ARRDC1: variants seen among roughly 807,000 people sequenced by gnomAD.
ARRDC1 encodes arrestin domain containing 1, also known as arrestin domain-containing protein 1.
Under a neutral mutation model 40.1 loss-of-function variants are expected in ARRDC1, and 37 were observed. The observed-to-expected ratio is 0.92, with a 90% CI of 0.71 to 1.21. The LOEUF (loss-of-function observed/expected upper bound fraction) is 1.21, where lower values mean the gene tolerates loss of function less well. Among genes scored for constraint, ARRDC1 ranks in the 50% most tolerant of loss-of-function variants. The probability of loss-of-function intolerance (pLI) is 0.00; values close to 1 mark genes in which losing one functional copy is unlikely to be tolerated. For missense variants in ARRDC1, 641 were observed against 581.9 expected (o/e 1.10, Z -1.04); for synonymous variants, 310 against 262.5 (o/e 1.18, Z -1.75).
intron 1 of ARRDC1, chr9:137,611,412 A>AAACAAAC: frequency 6.6e-6 from 1 of 152,054 alleles, no homozygotes; most frequent in East Asian, 1.9e-4. Context: ...AAAAAACAAA[A>AAACAAAC]CCCAGGTGTG....
intron 4 of ARRDC1, 120 bp from the exon 5 acceptor site, chr9:137,613,912 C>T: frequency 6.5e-7 from 1 of 1,535,604 alleles, no homozygotes. Context: ...GGCCTCTTTG[C>T]CCTGAGCTGA....
Position 137,614,608 on chromosome 9 carries a change from G to A in ARRDC1, c.845G>A (p.Gly282Asp). Residue 282 changes from glycine (G) to aspartate (D), a missense_variant, in exon 7 of 8, where the codon GGC becomes GAC. Gly to Asp is a moderately conservative substitution (Grantham distance 94). Coordinates refer to ENST00000371421, the MANE Select transcript of ARRDC1 (RefSeq NM_152285.4). ...ACTGTGACCCTCCCGGTCTTCATTG[G>A]CAATATTGCTGTGAACCATGCCCCA... ...EATVTLPVFI[G>D]NIAVNHAPVS... The A allele has an allele frequency of 1.9e-6, 3 of 1,612,936 alleles. No individual in the cohort carries two copies. The highest frequency in any genetic ancestry group is 2.5e-6 in the Non-Finnish European group (3 of 1,179,858).
intron 1 of ARRDC1, among the ~76,000 whole-genome samples, chr9:137,610,337 C>T (rs1042660366): frequency 4.6e-5 from 7 of 152,070 alleles, no homozygotes; most frequent in Admixed American, 2.6e-4. Flanking sequence ...GGCTGGCATA[C>T]GGGTTAGTCT....
At chr9:137,611,717 G>GA (rs1842525596) in intron 1 of ARRDC1, 1 of 152,370 alleles carries the variant, frequency 6.6e-6, no homozygotes, top group Non-Finnish European at 1.5e-5. Flanking sequence ...AGGGATGGGG[G>GA]ACTGGGCCTG....
At position 137,614,078 on chromosome 9, in the gene ARRDC1, T is replaced by C; in HGVS notation, c.482T>C (p.Val161Ala). 6.2e-7 allele frequency: 1 copy of C among 1,613,564 alleles called. No individual in the cohort carries two copies. Among genetic ancestry groups the C allele is most frequent in the Non-Finnish European group, 8.5e-7 (1 of 1,179,938 alleles). ...SATKKFSYKL[V>A]KTGSVVLTAS... Reference sequence around the variant, plus strand: ...ACCAAGAAGTTCTCCTACAAGCTGGTGAAGACGGGCAGCGTGGTCCTCACA... The same window carrying C: ...ACCAAGAAGTTCTCCTACAAGCTGGCGAAGACGGGCAGCGTGGTCCTCACA... The change falls in exon 5 of 8, where the codon GTG (valine) becomes GCG (alanine). Residue 161 changes from valine (V) to alanine (A), a missense_variant. Coordinates refer to ENST00000371421, the MANE Select transcript of ARRDC1 (RefSeq NM_152285.4).
rs747517683 is a variant in ARRDC1 at position 137,614,615 on chromosome 9, T to C, written c.852T>C (p.Ile284=). Residue 284 remains isoleucine, a synonymous_variant, in exon 7 of 8, where the codon ATT becomes ATC. Transcript: ENST00000371421. ...CCCTCCCGGTCTTCATTGGCAATAT[T>C]GCTGTGAACCATGCCCCAGTGAGCC... ...TVTLPVFIGN[I]AVNHAPVSPR... is the part of the protein sequence containing the mutation. The C allele has an allele frequency of 2.5e-6, 4 of 1,612,714 alleles. No individual in the cohort carries two copies. In the Admixed American group the frequency reaches 5.0e-5, roughly 20 times the overall value.
intron 1 of ARRDC1, among the ~76,000 whole-genome samples, chr9:137,608,390 AG>A (rs1262667183): frequency 6.6e-6 from 1 of 152,212 alleles, no homozygotes; most frequent in African/African-American, 2.4e-5. Context: ...CACTCTGACT[AG>A]GGGACTGCCA....
chr9:137,614,774 G>C lies in ARRDC1; in HGVS notation c.1011G>C (p.Lys337Asn). 1.2e-6 allele frequency: 2 copies of C among 1,611,894 alleles called. No individual in the cohort carries two copies. Among genetic ancestry groups the C allele is most frequent in the South Asian group, 2.2e-5 (2 of 90,938 alleles). Residue 337 changes from lysine (K) to asparagine (N), a missense_variant, in exon 7 of 8, where the codon AAG (lysine) becomes AAC (asparagine). Transcript: ENST00000371421. ...HFLDPVFLSTKSHSQRQPLLA... is the reference protein window; with the variant it reads ...HFLDPVFLSTNSHSQRQPLLA... Reference sequence around the variant, plus strand: ...TGGACCCCGTCTTCCTCTCCACCAAGAGCCATTCGCAGCGGCAGCCCCTGC... The same window carrying C: ...TGGACCCCGTCTTCCTCTCCACCAACAGCCATTCGCAGCGGCAGCCCCTGC...
intron 1 of ARRDC1, among the ~76,000 whole-genome samples, chr9:137,608,920 C>T (rs1842467579): frequency 6.6e-6 from 1 of 152,194 alleles, no homozygotes. Flanking sequence ...AAAACGGGGC[C>T]ATCTGCATGG....
intron 1 of ARRDC1, among the ~76,000 whole-genome samples, chr9:137,608,799 G>C (rs753982917): frequency 6.6e-6 from 1 of 152,244 alleles, no homozygotes; most frequent in Non-Finnish European, 1.5e-5. Context: ...CTTGCCTCCC[G>C]TGTTCTTACT....
In ARRDC1 at chr9:137,614,375, C is replaced by G; in HGVS notation, c.695C>G (p.Ala232Gly). 6.2e-7 allele frequency: 1 copy of G among 1,613,190 alleles called. No homozygotes were observed. The highest frequency in any genetic ancestry group is 8.5e-7 in the Non-Finnish European group (1 of 1,179,782). ...IAEVEGAGVK[A>G]WRRAQWHEQI... ...GAGGTGGAGGGTGCGGGCGTCAAGG[C>G]CTGGCGGCGGGCGCAGTGGCACGAG... Residue 232 changes from alanine to glycine, a missense_variant, in exon 6 of 8, where the codon GCC becomes GGC. Ala to Gly is a moderately conservative substitution (Grantham distance 60). Coordinates refer to ENST00000371421, the MANE Select transcript of ARRDC1 (RefSeq NM_152285.4).
At chr9:137,613,879 G>C in intron 4 of ARRDC1, 110 bp downstream of exon 4, 1 of 1,535,954 alleles carries the variant, frequency 6.5e-7, no homozygotes, top group Non-Finnish European at 8.9e-7. Context: ...CTGAGGTGAG[G>C]GGGGCCAGGG....
At chr9:137,609,030 G>A (rs940677418) in intron 1 of ARRDC1, among the ~76,000 whole-genome samples, 1 of 152,170 alleles carries the variant, frequency 6.6e-6, no homozygotes, top group African/African-American at 2.4e-5. Context: ...CGGTTTTCGC[G>A]ATGCTTTGCT....
intron 2 of ARRDC1, 52 bp from the exon 3 acceptor site, chr9:137,613,408 C>T (rs1307060205): frequency 6.4e-7 from 1 of 1,558,126 alleles, no homozygotes; most frequent in Non-Finnish European, 8.7e-7. Flanking sequence ...CTGTGGCCAC[C>T]TCAGGCCACC....
At position 137,614,048 on chromosome 9, in the gene ARRDC1, C is replaced by T. The variant is rs767794828; in HGVS notation, c.452C>T (p.Ser151Phe). Residue 151 changes from serine (S) to phenylalanine (F), a missense_variant, in exon 5 of 8, where the codon TCT (serine) becomes TTT (phenylalanine). Coordinates refer to ENST00000371421, the MANE Select transcript of ARRDC1 (RefSeq NM_152285.4). Reference protein sequence around the residue: ...IPDIEQPNVASATKKFSYKLV... With the variant: ...IPDIEQPNVAFATKKFSYKLV... ...CCCCCCAAGCAACCCAACGTGGCCT[C>T]TGCCACCAAGAAGTTCTCCTACAAG... is the stretch of plus-strand genomic sequence containing the variant. 6.2e-7 allele frequency: 1 copy of T among 1,613,806 alleles called. No homozygotes were observed. Among genetic ancestry groups the T allele is most frequent in the African/African-American group, 1.3e-5 (1 of 75,052 alleles).
At chr9:137,612,749 G>T (rs142013971) in intron 1 of ARRDC1, 147 bp from the exon 2 acceptor site, 2 of 620,380 alleles carry the variant, frequency 3.2e-6, no homozygotes, top group Non-Finnish European at 5.7e-6. Context: ...GATGTCCTCT[G>T]AAGTGGCATG....
chr9:137,607,954 G>A (rs749234581), intron 1 of ARRDC1, among the ~76,000 whole-genome samples: 2 of 152,132 alleles, frequency 1.3e-5, no homozygotes, highest in Non-Finnish European at 2.9e-5. Context: ...TTGTGCATCT[G>A]AACACAGGAA....
In ARRDC1 at chr9:137,615,137, G is replaced by A; in HGVS notation, c.1301G>A (p.Ter434=). The change falls in exon 8 of 8, where the codon TGA becomes TAA. Residue 434 remains the stop codon, a stop_retained_variant. Coordinates refer to ENST00000371421, the MANE Select transcript of ARRDC1 (RefSeq NM_152285.4). ...GAACCCAGCCTGACCCCTGAGAGCT[G>A]ACCCCGTGCTGCCTTCTCCAGGCAG... ...GVEPSLTPES[*] is the part of the protein sequence containing the mutation. 1 of 1,531,500 alleles carries A rather than the reference G, an allele frequency of 6.5e-7. No homozygotes were observed. Among genetic ancestry groups the A allele is most frequent in the Non-Finnish European group, 8.8e-7 (1 of 1,138,532 alleles). The allele number at this position is 1,531,500 out of a possible 1,614,324, so 94.9% of individuals were successfully genotyped here. A position where few individuals can be genotyped will look rare whatever the true frequency, so the allele number is the denominator to read the frequency against.
At chr9:137,609,728 G>T (rs1842480702) in intron 1 of ARRDC1, among the ~76,000 whole-genome samples, 1 of 151,814 alleles carries the variant, frequency 6.6e-6, no homozygotes, top group Admixed American at 6.6e-5. Flanking sequence ...GTTTCACCGT[G>T]TTACCTAGGC....
Sources: gnomAD v4.1 joint callset for allele counts (sites outside exome capture counted in the v4.1 genomes callset) on GRCh38, gnomAD v4.1.1 for gene constraint, MANE v1.5 for transcripts, NCBI Gene and HGNC (gene_info 2026-07-23, HGNC 2026-07-21) for gene names.